The following ZNF239 variants were observed in gnomAD, a reference collection of about 807,000 sequenced individuals.
The protein encoded by ZNF239 is zinc finger protein 239.
In ZNF239, 16 loss-of-function variants were observed where a neutral mutation model predicts 27.5. The ratio of observed to expected loss-of-function variants is 0.58; its 90% CI spans 0.39 to 0.88. The LOEUF (loss-of-function observed/expected upper bound fraction) is 0.88, where lower values mean the gene tolerates loss of function less well. ZNF239 is among the 40% of genes least tolerant of loss of function. The probability of loss-of-function intolerance (pLI) is 0.00; values close to 1 mark genes in which losing one functional copy is unlikely to be tolerated. For synonymous variants in ZNF239, 199 were observed against 192.6 expected, an observed-to-expected ratio of 1.03 and a Z score of -0.27; for missense variants, 527 against 551.9, an observed-to-expected ratio of 0.95 and a Z score of 0.45.
At chr10:43,571,882 A>G (rs1838057605) in intron 2 of ZNF239, among the ~76,000 whole-genome samples, 1 of 152,158 alleles carries the variant, frequency 6.6e-6, no homozygotes, top group African/African-American at 2.4e-5. Context: ...ATCCCCAGCA[A>G]CTACCACAAT....
chr10:43,571,910 GATAAAT>G (rs1391762395), intron 2 of ZNF239, among the ~76,000 whole-genome samples: 1 of 151,986 alleles, frequency 6.6e-6, no homozygotes, highest in Non-Finnish European at 1.5e-5. Flanking sequence ...GAATCTGAAA[GATAAAT>G]ATAAATTCAC....
intron 2 of ZNF239, chr10:43,568,394 A>G: frequency 1.0e-6 from 1 of 985,368 alleles, no homozygotes; most frequent in South Asian, 4.7e-5. Flanking sequence ...CACATTTCTT[A>G]ATCTCCACAG....
intron 2 of ZNF239, chr10:43,570,675 C>T (rs1837972568): frequency 1.4e-5 from 13 of 957,622 alleles, no homozygotes; most frequent in Non-Finnish European, 1.6e-5. Context: ...CTAAATTTCC[C>T]TCCAATGTGT....
chr10:43,566,096 G>A (rs1303731932), intron 3 of ZNF239, among the ~76,000 whole-genome samples: 3 of 152,144 alleles, frequency 2.0e-5, no homozygotes, highest in South Asian at 4.1e-4. Context: ...CAGGCACTGG[G>A]TTTATATAAA....
chr10:43,574,338 G>T (rs1435400341), intron 1 of ZNF239, among the ~76,000 whole-genome samples: 4 of 152,154 alleles, frequency 2.6e-5, no homozygotes, highest in Non-Finnish European at 5.9e-5. Context: ...GCCGCAGCCC[G>T]GCCCCGGGGG....
intron 3 of ZNF239, among the ~76,000 whole-genome samples, chr10:43,565,230 C>G (rs1039631227): frequency 2.6e-5 from 4 of 151,868 alleles, no homozygotes; most frequent in African/African-American, 4.8e-5. Flanking sequence ...ATTAAAGGCA[C>G]CCGCCACCAC....
intron 3 of ZNF239, among the ~76,000 whole-genome samples, chr10:43,566,321 C>T (rs948540009): frequency 2.6e-5 from 4 of 151,550 alleles, no homozygotes; most frequent in East Asian, 1.9e-4. Flanking sequence ...CAGGGTCTCA[C>T]GGTCACCAGG....
intron 2 of ZNF239, among the ~76,000 whole-genome samples, chr10:43,569,456 TC>T (rs113131498): frequency 0.079 from 12,024 of 152,116 alleles, 1,568 homozygotes; most frequent in African/African-American, 0.27. Flanking sequence ...CCCATGAGGC[TC>T]TCCTGTCACC....
intron 3 of ZNF239, among the ~76,000 whole-genome samples, chr10:43,565,923 C>A (rs766499092): frequency 4.0e-5 from 6 of 150,598 alleles, no homozygotes; most frequent in Non-Finnish European, 7.4e-5. Flanking sequence ...TGATTTCATG[C>A]ATGACAAAGA....
chr10:43,561,871 GA>G (rs1476912175), intron 3 of ZNF239, among the ~76,000 whole-genome samples: 1 of 151,374 alleles, frequency 6.6e-6, no homozygotes, highest in African/African-American at 2.4e-5. Flanking sequence ...AAAAATAAAA[GA>G]AAAAAATAAA....
At chr10:43,559,196 T>C (rs1387796788) in intron 3 of ZNF239, among the ~76,000 whole-genome samples, 1 of 152,156 alleles carries the variant, frequency 6.6e-6, no homozygotes, top group African/African-American at 2.4e-5. Context: ...TGTCTAATAA[T>C]AAGGACCTTG....
At chr10:43,570,285 G>A (rs1837947569) in intron 2 of ZNF239, 1 of 985,224 alleles carries the variant, frequency 1.0e-6, no homozygotes, top group African/African-American at 1.7e-5. Flanking sequence ...GAAGAGGGCT[G>A]GAAAAGGAGG....
Position 43,556,860 on chromosome 10 carries a change from T to C in ZNF239, c.1220A>G (p.Lys407Arg). ...HTGEKPYHCG[K>R]CGKGFSQSSK... The stretch of plus-strand genomic sequence containing the variant: ...ACTCTGGCTAAATCCCTTCCCACAC[T>C]TGCCACAGTGATAGGGCTTCTCTCC... The change falls in exon 4 of 4, where the codon AAG becomes AGG. Residue 407 changes from lysine to arginine, a missense_variant. Lys to Arg is a conservative substitution (Grantham distance 26). Coordinates refer to ENST00000374446, the MANE Select transcript of ZNF239 (RefSeq NM_001099282.2). The C allele has an allele frequency of 6.2e-7, 1 of 1,614,042 alleles. No individual in the cohort carries two copies. The highest frequency in any genetic ancestry group is 8.5e-7 in the Non-Finnish European group (1 of 1,180,006).
chr10:43,574,178 C>T (rs1838209412), intron 1 of ZNF239, among the ~76,000 whole-genome samples: 1 of 152,220 alleles, frequency 6.6e-6, no homozygotes, highest in Non-Finnish European at 1.5e-5. Context: ...CGAAAACCCC[C>T]CTGCAATAAC....
In ZNF239 at chr10:43,557,069, G is replaced by C. The variant is rs749470489; in HGVS notation, c.1011C>G (p.His337Gln). The change falls in exon 4 of 4, where the codon CAC (histidine) becomes CAG (glutamine). Residue 337 changes from histidine to glutamine, a missense_variant. By Grantham distance (24) the His-to-Gln change is conservative. Transcript: ENST00000374446. Reference sequence around the variant, plus strand: ...GCCTCTCTCCTGTGTGTACTCGCTGGTGGATGTGCAGGTTTGAGCGCTGAC... The same window carrying C: ...GCCTCTCTCCTGTGTGTACTCGCTGCTGGATGTGCAGGTTTGAGCGCTGAC... ...SFSQRSNLHIHQRVHTGERPY... is the reference protein window; with the variant it reads ...SFSQRSNLHIQQRVHTGERPY... 3.2e-5 allele frequency: 52 copies of C among 1,611,762 alleles called. No homozygotes were observed. In the East Asian group the frequency reaches 1.1e-3, roughly 33 times the overall value.
chr10:43,557,605 CATGA>C lies in ZNF239; in HGVS notation c.471_474del (p.Ile157MetfsTer169). The C allele has an allele frequency of 6.2e-7, 1 of 1,614,186 alleles. No individual in the cohort carries two copies. The highest frequency in any genetic ancestry group is 8.5e-7 in the Non-Finnish European group (1 of 1,180,044). On this transcript the variant is annotated frameshift_variant, in exon 4 of 4. Transcript: ENST00000374446. LOFTEE classifies it high-confidence loss of function. ...CAACTGACCACCTGTGATTTCCATC[CATGA>C]ATGTCTTTGCAGTTACAGTCAATGG...
chr10:43,573,626 C>T lies in ZNF239; in HGVS notation c.-216+11G>A, dbSNP rs1234696544. 3 of 985,206 alleles carry T rather than the reference C, an allele frequency of 3.0e-6. No homozygotes were observed. In the East Asian group the frequency reaches 3.4e-4, roughly 112 times the overall value. The allele number at this position is 985,206 out of a possible 1,614,324, so 61.0% of individuals were successfully genotyped here. A position where few individuals can be genotyped will look rare whatever the true frequency, so the allele number is the denominator to read the frequency against. On this transcript the variant is annotated intron_variant, in intron 2 of 3. Coordinates refer to ENST00000374446, the MANE Select transcript of ZNF239 (RefSeq NM_001099282.2). ...AGATGGCATTTTAGGAGAAATGGAA[C>T]GCCAACTCACCCGGACCCTGGTCAT...
In ZNF239 at chr10:43,562,740, T is replaced by A. The variant is rs1390793608; in HGVS notation, c.-92-4569A>T. ...ACACAACTTGTTTTACCCAGGTGAG[T>A]GTATCACTTTGTTTATAAATTTCAA... is the stretch of plus-strand genomic sequence containing the variant. On this transcript the variant is annotated intron_variant, in intron 3 of 3. Transcript: ENST00000374446. Among the ~76,000 whole-genome samples, 4 of 152,136 alleles carry A rather than the reference T, an allele frequency of 2.6e-5. No individual in the cohort carries two copies. In the East Asian group the frequency reaches 5.8e-4, roughly 22 times the overall value.
chr10:43,570,135 C>T, intron 2 of ZNF239: 1 of 983,308 alleles, frequency 1.0e-6, no homozygotes, highest in East Asian at 1.1e-4. Context: ...ACCACTCCCT[C>T]CTTCCTTGGG....
Sources: allele counts gnomAD v4.1 joint callset (sites outside exome capture counted in the v4.1 genomes callset), GRCh38; gene constraint gnomAD v4.1.1; transcripts MANE v1.5; gene names NCBI Gene and HGNC (gene_info 2026-07-23, HGNC 2026-07-21).